ANKRD36: variants seen among roughly 807,000 people sequenced by gnomAD.
ANKRD36 encodes ankyrin repeat domain 36, also known as ankyrin repeat domain-containing protein 36A.
Under a neutral mutation model 278.1 loss-of-function variants are expected in ANKRD36, and 179 were observed. That is an observed-to-expected ratio of 0.64 (90% CI 0.57 to 0.73). The LOEUF (loss-of-function observed/expected upper bound fraction) is 0.73, where lower values mean the gene tolerates loss of function less well. Among genes scored for constraint, ANKRD36 ranks in the 30% least tolerant of loss-of-function variants. The pLI, the probability that ANKRD36 is intolerant of heterozygous loss-of-function variation, is 0.00. For missense variants in ANKRD36, 1,159 were observed against 1,956.7 expected (o/e 0.59, Z 7.69); for synonymous variants, 320 against 641.1 (o/e 0.50, Z 7.57).
chr2:97,204,266 A>G lies in ANKRD36; in HGVS notation c.3061+3A>G. ...GGATGGAGAAAAAACTAGGACAGGT[A>G]ATTTTGAAAAGAGATTTAATGTCAT... On this transcript the variant is annotated splice_donor_region_variant and intron_variant, in intron 50 of 75. Transcript: ENST00000420699. The G allele has an allele frequency of 6.4e-7, 1 of 1,559,792 alleles. No homozygotes were observed. Among genetic ancestry groups the G allele is most frequent in the South Asian group, 1.2e-5 (1 of 84,282 alleles).
chr2:97,168,339 ACT>A (rs1268057846), intron 22 of ANKRD36, among the ~76,000 whole-genome samples: 1 of 152,116 alleles, frequency 6.6e-6, no homozygotes, highest in Non-Finnish European at 1.5e-5. Flanking sequence ...TTTTTTCGTG[ACT>A]CTTTGGTAGA....
chr2:97,181,932 A>G, intron 26 of ANKRD36, 139 bp downstream of exon 26: 1 of 1,240,876 alleles, frequency 8.1e-7, no homozygotes, highest in South Asian at 1.4e-5. Flanking sequence ...TTCTCAGGTG[A>G]CACTGATGCT....
At chr2:97,130,062 A>G (rs1269514392) in intron 6 of ANKRD36, among the ~76,000 whole-genome samples, 1 of 152,080 alleles carries the variant, frequency 6.6e-6, no homozygotes, top group East Asian at 1.9e-4. Flanking sequence ...TACCTTGGGC[A>G]GTACAGCCAT....
intron 6 of ANKRD36, among the ~76,000 whole-genome samples, chr2:97,133,413 G>T (rs1489224267): frequency 6.6e-6 from 1 of 151,820 alleles, no homozygotes; most frequent in African/African-American, 2.4e-5. Flanking sequence ...GTTCTTATTC[G>T]ATTAACCTTT....
chr2:97,151,674 C>T (rs1051816451), intron 12 of ANKRD36, among the ~76,000 whole-genome samples: 2 of 152,408 alleles, frequency 1.3e-5, no homozygotes, highest in Admixed American at 1.3e-4. Flanking sequence ...AAAGGAGTAA[C>T]ATTTTGAAGA....
chr2:97,113,677 A>G lies in ANKRD36; in HGVS notation c.-63A>G. 1.2e-6 allele frequency: 2 copies of G among 1,601,498 alleles called. No homozygotes were observed. Among genetic ancestry groups the G allele is most frequent in the Non-Finnish European group, 1.7e-6 (2 of 1,172,780 alleles). On this transcript the variant is annotated 5_prime_UTR_variant, in exon 1 of 76. Transcript: ENST00000420699. ...TGCTTTGCTCGTTGTTGCTCTTCGG[A>G]GGCGGCGATCCCCGAAGGCGAGCTG...
chr2:97,113,921 G>C lies in ANKRD36; in HGVS notation c.182G>C (p.Arg61Thr). The C allele has an allele frequency of 6.2e-7, 1 of 1,612,584 alleles. No homozygotes were observed. The highest frequency in any genetic ancestry group is 8.5e-7 in the Non-Finnish European group (1 of 1,179,810). The change falls in exon 1 of 76, where the codon AGA (arginine) becomes ACA (threonine). Residue 61 changes from arginine (R) to threonine (T), a missense_variant. Transcript: ENST00000420699. ...LLLTYYDANK[R>T]DRKERTALHL... ...CTCACGTATTATGACGCCAATAAGA[G>C]AGACAGGAAGGAAAGGTAATGGGGG...
intron 66 of ANKRD36, 120 bp from the exon 67 acceptor site, chr2:97,224,686 G>A (rs1381313984): frequency 2.3e-5 from 20 of 887,734 alleles, no homozygotes; most frequent in South Asian, 6.4e-5. Context: ...TCCTGACCTC[G>A]TGATCCACCT....
chr2:97,177,393 A>G (rs2054603536), intron 22 of ANKRD36, among the ~76,000 whole-genome samples: 1 of 151,924 alleles, frequency 6.6e-6, no homozygotes, highest in Non-Finnish European at 1.5e-5. Flanking sequence ...CAAAAGAACA[A>G]AGCTGGAGGC....
intron 12 of ANKRD36, among the ~76,000 whole-genome samples, chr2:97,151,229 A>T (rs909891728): frequency 6.6e-6 from 1 of 151,540 alleles, no homozygotes; most frequent in African/African-American, 2.4e-5. Context: ...TTCTGTTTCT[A>T]TTGTCAGGAT....
At chr2:97,142,944 A>C in intron 8 of ANKRD36, 109 bp downstream of exon 8, 1 of 1,364,152 alleles carries the variant, frequency 7.3e-7, no homozygotes. Flanking sequence ...CTGATTCAGC[A>C]GGCCTGAGAT....
At chr2:97,138,623 G>T (rs2042118392) in intron 6 of ANKRD36, among the ~76,000 whole-genome samples, 2 of 151,980 alleles carry the variant, frequency 1.3e-5, no homozygotes, top group African/African-American at 4.8e-5. Context: ...AGCCCATATA[G>T]CCAAGACAAT....
chr2:97,120,749 G>A (rs1423455694), intron 3 of ANKRD36, among the ~76,000 whole-genome samples: 2 of 151,970 alleles, frequency 1.3e-5, no homozygotes, highest in Non-Finnish European at 2.9e-5. Flanking sequence ...ACATACAATT[G>A]CTTGGAGACA....
At chr2:97,209,752 G>A in intron 55 of ANKRD36, 43 bp downstream of exon 55, 1 of 1,569,240 alleles carries the variant, frequency 6.4e-7, no homozygotes, top group South Asian at 1.1e-5. Flanking sequence ...TAAACGTATA[G>A]CCTATGAAAG....
chr2:97,221,637 C>A (rs2153653245), intron 66 of ANKRD36, among the ~76,000 whole-genome samples: 1 of 149,502 alleles, frequency 6.7e-6, no homozygotes, highest in East Asian at 2.1e-4. Flanking sequence ...TTGTTTTTTT[C>A]TTGTAAATTT....
At position 97,180,947 on chromosome 2, in the gene ANKRD36, T is replaced by C. The variant is rs142569577; in HGVS notation, c.1736-651T>C. 1.2e-3 allele frequency among the ~76,000 whole-genome samples: 184 copies of C among 151,844 alleles called. 1 individual carries two copies. The highest frequency in any genetic ancestry group is 3.5e-3 in the African/African-American group (145 of 41,524). The stretch of plus-strand genomic sequence containing the variant: ...TTATTGAGGCTAATATATTATCGTT[T>C]GTTGCCATGAGCGGATGAAGAAACT... On this transcript the variant is annotated intron_variant, in intron 24 of 75. Transcript: ENST00000420699.
intron 75 of ANKRD36, among the ~76,000 whole-genome samples, chr2:97,260,758 T>G (rs557749173): frequency 9.1e-6 from 1 of 109,774 alleles, no homozygotes; most frequent in Non-Finnish European, 1.7e-5. Flanking sequence ...TTTGTCTACA[T>G]TGAAAATCTG....
At chr2:97,230,456 A>T (rs1327570341) in intron 67 of ANKRD36, among the ~76,000 whole-genome samples, 2 of 151,994 alleles carry the variant, frequency 1.3e-5, no homozygotes, top group African/African-American at 4.8e-5. Context: ...TGCACTCTTC[A>T]CGTAGTTCTC....
chr2:97,260,395 TAC>T (rs1266766001), intron 75 of ANKRD36, among the ~76,000 whole-genome samples: 93 of 131,628 alleles, frequency 7.1e-4, no homozygotes, highest in Admixed American at 1.9e-3. Flanking sequence ...CATATATACA[TAC>T]ACACACATAC....
Sources: gnomAD v4.1 joint callset for allele counts (sites outside exome capture counted in the v4.1 genomes callset) on GRCh38, gnomAD v4.1.1 for gene constraint, MANE v1.5 for transcripts, NCBI Gene and HGNC (gene_info 2026-07-23, HGNC 2026-07-21) for gene names.